The following CPD variants were observed in gnomAD, a reference collection of about 807,000 sequenced individuals.
CPD encodes the protein metallocarboxypeptidase D.
In CPD, 69 loss-of-function variants were observed where a neutral mutation model predicts 138.3. That is an observed-to-expected ratio of 0.50 (90% CI 0.41 to 0.61). The LOEUF (loss-of-function observed/expected upper bound fraction) is 0.61. Among genes scored for constraint, CPD ranks in the 20% least tolerant of loss-of-function variants. CPD has a pLI of 0.00. For missense variants in CPD, 1,432 were observed against 1,733.3 expected (o/e 0.83, Z 3.09); for synonymous variants, 651 against 642.1 (o/e 1.01, Z -0.21).
intron 19 of CPD, 117 bp downstream of exon 19, chr17:30,462,179 T>C: frequency 8.9e-7 from 1 of 1,118,814 alleles, no homozygotes; most frequent in Non-Finnish European, 1.3e-6. Context: ...AAAGTGTGAC[T>C]GCCTCTTGAT....
chr17:30,451,670 A>G, intron 13 of CPD, 41 bp from the exon 14 acceptor site: 1 of 1,596,346 alleles, frequency 6.3e-7, no homozygotes, highest in African/African-American at 1.3e-5. Context: ...CATTGATTCT[A>G]CATGCAGCTA....
At chr17:30,421,856 C>T (rs183207757) in intron 4 of CPD, 23 bp downstream of exon 4, 1 of 1,542,422 alleles carries the variant, frequency 6.5e-7, no homozygotes, top group East Asian at 2.3e-5. Flanking sequence ...ACTATGTAGA[C>T]TCTTAGTTAA....
Position 30,445,764 on chromosome 17 carries a change from T to A in CPD, c.2617T>A (p.Ser873Thr). 1 of 1,613,892 alleles carries A rather than the reference T, an allele frequency of 6.2e-7. No homozygotes were observed. Among genetic ancestry groups the A allele is most frequent in the Non-Finnish European group, 8.5e-7 (1 of 1,179,938 alleles). The change falls in exon 12 of 21, where the codon TCC becomes ACC. Residue 873 changes from serine (S) to threonine (T), a missense_variant. Physicochemically the swap from Ser to Thr is moderately conservative, Grantham distance 58. Around this residue, in one of 6 missense-constraint regions of CPD, gnomAD observed 124 missense variants for 117.0 expected, o/e 1.06. Transcript: ENST00000225719. ...AIQVNFTLVRSSTDSNNESKK... is the reference protein window; with the variant it reads ...AIQVNFTLVRTSTDSNNESKK... Reference sequence around the variant, plus strand: ...TCAGGTCAACTTCACACTTGTTCGATCCTCAACAGATTCAAACAATGAATC... The same window carrying A: ...TCAGGTCAACTTCACACTTGTTCGAACCTCAACAGATTCAAACAATGAATC...
At chr17:30,462,333 C>T (rs374489550) in intron 19 of CPD, 37 bp from the exon 20 acceptor site, 2 of 1,532,648 alleles carry the variant, frequency 1.3e-6, no homozygotes, top group African/African-American at 2.7e-5. Flanking sequence ...ACACCTTAAG[C>T]AGAATTTGTC....
Position 30,379,103 on chromosome 17 carries a change from C to G in CPD, c.123C>G (p.Thr41=), listed in dbSNP as rs1175718787. The G allele has an allele frequency of 6.4e-7, 1 of 1,552,162 alleles. No homozygotes were observed. The highest frequency in any genetic ancestry group is 1.2e-5 in the South Asian group (1 of 85,134). Residue 41 remains threonine, a synonymous_variant, in exon 1 of 21, where the codon ACC becomes ACG. Coordinates refer to ENST00000225719, the MANE Select transcript of CPD (RefSeq NM_001304.5). This position sits in a 1 kb window ranked among gnomAD's most constrained non-coding sequence, Gnocchi z 7.0. Reference sequence around the variant, plus strand: ...ACATCAAGAAGGCGGAGGCGACTACCACAACTACGAGCGCGGGCGCCGAGG... The same window carrying G: ...ACATCAAGAAGGCGGAGGCGACTACGACAACTACGAGCGCGGGCGCCGAGG... ...AAHIKKAEAT[T]TTTSAGAEAA... is the part of the protein sequence containing the mutation.
Position 30,379,026 on chromosome 17 carries a change from C to T in CPD, c.46C>T (p.Leu16Phe), listed in dbSNP as rs765082427. 7 of 1,556,698 alleles carry T rather than the reference C, an allele frequency of 4.5e-6. No individual in the cohort carries two copies. The South Asian group carries it at 8.1e-5, about 18-fold the overall frequency. ...DERPPWRLGR[L>F]LLLMCLLLLG... ...GCGGCCGCCTTGGCGGCTAGGGCGG[C>T]TCCTGTTGCTCATGTGCCTGCTGCT... Residue 16 changes from leucine (L) to phenylalanine (F), a missense_variant, in exon 1 of 21, where the codon CTC becomes TTC. Around this residue, in one of 6 missense-constraint regions of CPD, gnomAD observed 484 missense variants for 477.2 expected, o/e 1.01. Transcript: ENST00000225719. This position sits in a 1 kb window ranked among gnomAD's most constrained non-coding sequence, Gnocchi z 7.0.
intron 11 of CPD, among the ~76,000 whole-genome samples, chr17:30,445,397 G>C (rs568233150): frequency 1.3e-5 from 2 of 151,932 alleles, no homozygotes; most frequent in African/African-American, 4.8e-5. Context: ...CCCAGGAGGC[G>C]GAGGTTGCAG....
intron 8 of CPD, among the ~76,000 whole-genome samples, chr17:30,438,169 C>T (rs745425764): frequency 6.6e-6 from 1 of 151,988 alleles, no homozygotes; most frequent in African/African-American, 2.4e-5. Flanking sequence ...GGTTAATTCT[C>T]TGTGGTAGAA....
At chr17:30,448,079 A>G (rs901314225) in intron 12 of CPD, among the ~76,000 whole-genome samples, 1 of 152,214 alleles carries the variant, frequency 6.6e-6, no homozygotes, top group Admixed American at 6.5e-5. Flanking sequence ...GCAGAGTGAT[A>G]CTTAACTTTC....
chr17:30,406,640 A>C (rs1911805938), intron 2 of CPD, among the ~76,000 whole-genome samples: 1 of 152,174 alleles, frequency 6.6e-6, no homozygotes, highest in Non-Finnish European at 1.5e-5. Flanking sequence ...GATAGACAAA[A>C]GAATGCTAGG....
intron 2 of CPD, among the ~76,000 whole-genome samples, chr17:30,405,894 AT>A (rs1911789900): frequency 6.6e-6 from 1 of 152,060 alleles, no homozygotes. Context: ...GAAATTTGAT[AT>A]TTTTATAAGC....
In CPD at chr17:30,431,172, G is replaced by A. The variant is rs117787394; in HGVS notation, c.2018-600G>A. Among the ~76,000 whole-genome samples, 255 of 152,306 alleles carry A rather than the reference G, an allele frequency of 1.7e-3. 1 individual carries two copies. The highest frequency in any genetic ancestry group is 2.9e-3 in the South Asian group (14 of 4,824). ...TTATAGCTGTCCTAGTGGGTGAGAA[G>A]TAGGACCTCATTTTGGTTTTGGTGT... On this transcript the variant is annotated intron_variant, in intron 7 of 20. Coordinates refer to ENST00000225719, the MANE Select transcript of CPD (RefSeq NM_001304.5).
intron 1 of CPD, among the ~76,000 whole-genome samples, chr17:30,382,043 CTTCT>C (rs1231639916): frequency 7.0e-4 from 107 of 152,166 alleles, no homozygotes; most frequent in African/African-American, 2.5e-3. Context: ...GACCGCTATG[CTTCT>C]TTAAGTGAAT....
At chr17:30,457,338 A>G (rs1477109818) in intron 17 of CPD, among the ~76,000 whole-genome samples, 2 of 152,176 alleles carry the variant, frequency 1.3e-5, no homozygotes. Flanking sequence ...TGTTTATACC[A>G]CATTTTATTT....
In CPD at chr17:30,395,173, A is replaced by G. The variant is rs924008787; in HGVS notation, c.994+9937A>G. 3.3e-5 allele frequency among the ~76,000 whole-genome samples: 5 copies of G among 149,300 alleles called. No individual in the cohort carries two copies. The South Asian group carries it at 6.4e-4, about 19-fold the overall frequency. On this transcript the variant is annotated intron_variant, in intron 2 of 20. Coordinates refer to ENST00000225719, the MANE Select transcript of CPD (RefSeq NM_001304.5). ...GGAGCTAGAAGTTCAACCAGAACAT[A>G]TATATAAATGAACAGATGGGTGCTT...
intron 2 of CPD, among the ~76,000 whole-genome samples, chr17:30,404,111 TG>T (rs1911744834): frequency 6.6e-6 from 1 of 152,162 alleles, no homozygotes; most frequent in Non-Finnish European, 1.5e-5. Context: ...GGGAACCTTC[TG>T]GGATATAGAA....
chr17:30,434,209 C>T (rs545862325), intron 8 of CPD, among the ~76,000 whole-genome samples: 10 of 152,230 alleles, frequency 6.6e-5, no homozygotes, highest in African/African-American at 1.9e-4. Flanking sequence ...CAATATAAAA[C>T]GACTTAAAAA....
At chr17:30,419,654 ATTTT>A (rs58660011) in intron 2 of CPD, among the ~76,000 whole-genome samples, 1,735 of 152,286 alleles carry the variant, frequency 0.011, 37 homozygotes, top group African/African-American at 0.04. Context: ...ATCAGCATGT[ATTTT>A]TAAACATCAT....
chr17:30,430,982 C>T (rs753421232), intron 7 of CPD, among the ~76,000 whole-genome samples: 1 of 152,074 alleles, frequency 6.6e-6, no homozygotes, highest in Non-Finnish European at 1.5e-5. Flanking sequence ...TTTGGGTGTA[C>T]ACTTAGGAGT....
Sources: gnomAD v4.1 joint callset for allele counts (sites outside exome capture counted in the v4.1 genomes callset) on GRCh38, gnomAD v4.1.1 for gene constraint, gnomAD v4.1.1 regional missense constraint, Gnocchi (gnomAD v3.1) non-coding constraint, MANE v1.5 for transcripts, NCBI Gene and HGNC (gene_info 2026-07-23, HGNC 2026-07-21) for gene names.